The following LTBP1 variants were observed in gnomAD, a reference collection of about 807,000 sequenced individuals.
LTBP1 encodes the protein latent-transforming growth factor beta-binding protein 1.
Under a neutral mutation model 207.6 loss-of-function variants are expected in LTBP1, and 129 were observed. The observed-to-expected ratio is 0.62, with a 90% CI of 0.54 to 0.72. The LOEUF (loss-of-function observed/expected upper bound fraction) is 0.72, where lower values mean the gene tolerates loss of function less well. Ranked by LOEUF, LTBP1 falls within the 30% of genes least tolerant of loss-of-function variation. The probability of loss-of-function intolerance (pLI) is 0.00; values close to 1 mark genes in which losing one functional copy is unlikely to be tolerated. For missense variants in LTBP1, 2,281 were observed against 2,217.2 expected, an observed-to-expected ratio of 1.03 and a Z score of -0.58; for synonymous variants, 963 against 833.7, an observed-to-expected ratio of 1.16 and a Z score of -2.67.
chr2:33,029,478 A>C (rs2075588454), intron 3 of LTBP1, among the ~76,000 whole-genome samples: 2 of 152,254 alleles, frequency 1.3e-5, no homozygotes, highest in South Asian at 2.1e-4. Context: ...CTCCATCTCA[A>C]AAGAAGAAAA....
intron 31 of LTBP1, 138 bp downstream of exon 31, chr2:33,365,641 G>A (rs1238773582): frequency 2.5e-6 from 2 of 795,244 alleles, no homozygotes; most frequent in East Asian, 5.4e-5. Context: ...GTGTGTGTGT[G>A]TGTGTGTGTA....
intron 3 of LTBP1, among the ~76,000 whole-genome samples, chr2:33,026,756 C>T (rs1280365080): frequency 3.3e-5 from 5 of 152,158 alleles, no homozygotes; most frequent in African/African-American, 7.2e-5. Flanking sequence ...CTGATTTTAT[C>T]GTGTTATACA....
At chr2:33,376,285 A>G (rs2095138967) in intron 31 of LTBP1, among the ~76,000 whole-genome samples, 1 of 152,238 alleles carries the variant, frequency 6.6e-6, no homozygotes, top group Non-Finnish European at 1.5e-5. Flanking sequence ...AAGGCCTGTC[A>G]GGTTCTCTGA....
At chr2:32,994,528 G>T (rs1684950395) in intron 2 of LTBP1, among the ~76,000 whole-genome samples, 1 of 151,552 alleles carries the variant, frequency 6.6e-6, no homozygotes, top group East Asian at 1.9e-4. Flanking sequence ...GTGCAGTGGT[G>T]CGATCTCGGC....
chr2:33,214,020 G>T (rs1408631509), intron 7 of LTBP1, among the ~76,000 whole-genome samples: 1 of 152,178 alleles, frequency 6.6e-6, no homozygotes, highest in African/African-American at 2.4e-5. Context: ...GGAATCCAAG[G>T]TGAAAATTGG....
At chr2:33,173,252 C>G (rs1042919848) in intron 5 of LTBP1, among the ~76,000 whole-genome samples, 2 of 151,244 alleles carry the variant, frequency 1.3e-5, no homozygotes, top group African/African-American at 2.4e-5. Context: ...ATTGATAGAC[C>G]GCTAGCAAGA....
At chr2:32,980,198 A>G (rs1021898821) in intron 2 of LTBP1, among the ~76,000 whole-genome samples, 3 of 151,998 alleles carry the variant, frequency 2.0e-5, no homozygotes, top group African/African-American at 7.2e-5. Context: ...TTACTCTTAC[A>G]ATTTTGTTAT....
At chr2:33,387,522 A>G (rs980474885) in intron 31 of LTBP1, among the ~76,000 whole-genome samples, 1 of 152,162 alleles carries the variant, frequency 6.6e-6, no homozygotes, top group African/African-American at 2.4e-5. Context: ...ACATAAGGAG[A>G]ATTTTAGACA....
intron 3 of LTBP1, among the ~76,000 whole-genome samples, chr2:33,069,571 T>C (rs1403746707): frequency 6.6e-6 from 1 of 152,206 alleles, no homozygotes; most frequent in Admixed American, 6.5e-5. Flanking sequence ...CCTTGGTGTG[T>C]GTGCAGCACA....
intron 3 of LTBP1, among the ~76,000 whole-genome samples, chr2:33,064,494 A>G (rs2077412469): frequency 6.6e-6 from 1 of 152,154 alleles, no homozygotes; most frequent in African/African-American, 2.4e-5. Flanking sequence ...CACACTCCCT[A>G]AGCTTCATGG....
chr2:33,314,296 T>C (rs1239815963), intron 23 of LTBP1, among the ~76,000 whole-genome samples: 12 of 152,204 alleles, frequency 7.9e-5, no homozygotes, highest in South Asian at 2.1e-4. Flanking sequence ...ACCTCTGTAA[T>C]TGCGGCACTT....
intron 15 of LTBP1, among the ~76,000 whole-genome samples, chr2:33,263,661 T>C (rs2093084473): frequency 1.3e-5 from 2 of 152,140 alleles, no homozygotes; most frequent in African/African-American, 2.4e-5. Context: ...TGTTAATAAA[T>C]ACAGAATACA....
Position 33,371,412 on chromosome 2 carries a change from G to A in LTBP1, c.4711+5909G>A, listed in dbSNP as rs190760736. Among the ~76,000 whole-genome samples, 1,142 of 152,238 alleles carry A rather than the reference G, an allele frequency of 7.5e-3. 8 individuals are homozygous for A. Among genetic ancestry groups the A allele is most frequent in the Middle Eastern group, 0.034 (10 of 294 alleles). On this transcript the variant is annotated intron_variant, in intron 31 of 33. Coordinates refer to ENST00000404816, the MANE Select transcript of LTBP1 (RefSeq NM_206943.4). ...GTTTTGGGAGGATCCTCAAATTTGTGGTCTTTATTGTGATGTCATGTCAGC... is the reference window on the plus strand; with the variant it reads ...GTTTTGGGAGGATCCTCAAATTTGTAGTCTTTATTGTGATGTCATGTCAGC...
At chr2:33,025,954 A>G (rs1307717548) in intron 3 of LTBP1, among the ~76,000 whole-genome samples, 1 of 152,180 alleles carries the variant, frequency 6.6e-6, no homozygotes, top group Non-Finnish European at 1.5e-5. Flanking sequence ...TGATATCTCC[A>G]AGGATGGAAG....
intron 2 of LTBP1, among the ~76,000 whole-genome samples, chr2:32,987,907 G>T (rs1683844904): frequency 2.0e-5 from 3 of 152,216 alleles, no homozygotes; most frequent in Admixed American, 6.5e-5. Flanking sequence ...ATTAGGTTAA[G>T]GATCCTGAGA....
At chr2:33,119,517 T>C (rs2080975976) in intron 4 of LTBP1, among the ~76,000 whole-genome samples, 1 of 152,156 alleles carries the variant, frequency 6.6e-6, no homozygotes, top group Non-Finnish European at 1.5e-5. Flanking sequence ...TTGGAGTAAG[T>C]CCATCCCCAC....
chr2:33,116,067 A>G (rs2080730596), intron 4 of LTBP1, among the ~76,000 whole-genome samples: 1 of 152,238 alleles, frequency 6.6e-6, no homozygotes, highest in South Asian at 2.1e-4. Context: ...TTGTAGAGCT[A>G]CTTATAAAGG....
At chr2:33,350,647 T>TA (rs2149816449) in intron 26 of LTBP1, among the ~76,000 whole-genome samples, 2 of 152,366 alleles carry the variant, frequency 1.3e-5, no homozygotes, top group East Asian at 3.9e-4. Flanking sequence ...CTTTGGCCAC[T>TA]AATTTACATT....
rs759486995 is a variant in LTBP1, at chr2:33,300,434, C to T, written c.3236-17C>T. 36 of 1,609,932 alleles carry T rather than the reference C, an allele frequency of 2.2e-5. No homozygotes were observed. The highest frequency in any genetic ancestry group is 2.8e-5 in the Non-Finnish European group (33 of 1,177,558). On this transcript the variant is annotated splice_polypyrimidine_tract_variant and intron_variant, in intron 20 of 33. Coordinates refer to ENST00000404816, the MANE Select transcript of LTBP1 (RefSeq NM_206943.4). ...GTAGTCTCTTTTTCAGAAAAATTGC[C>T]GTTGTTGTGTTTGCAGATATTGATG...
Sources: gnomAD v4.1 joint callset for allele counts (sites outside exome capture counted in the v4.1 genomes callset) on GRCh38, gnomAD v4.1.1 for gene constraint, MANE v1.5 for transcripts, NCBI Gene and HGNC (gene_info 2026-07-23, HGNC 2026-07-21) for gene names.